Variants in NEK11 observed in about 807,000 individuals in gnomAD.
The protein encoded by NEK11 is serine/threonine-protein kinase Nek11.
A neutral mutation model predicts 80.7 loss-of-function variants in NEK11; 72 were observed. The ratio of observed to expected loss-of-function variants is 0.89; its 90% CI spans 0.74 to 1.08. The LOEUF is 1.08. NEK11 is among the 50% of genes least tolerant of loss of function. NEK11 has a pLI of 0.00. For missense variants in NEK11, 764 were observed against 763.6 expected, an observed-to-expected ratio of 1.00 and a Z score of -0.01; for synonymous variants, 251 against 260.7, an observed-to-expected ratio of 0.96 and a Z score of 0.36.
chr3:131,301,099 T>A (rs940543492), intron 17 of NEK11, among the ~76,000 whole-genome samples: 7 of 152,298 alleles, frequency 4.6e-5, no homozygotes, highest in Admixed American at 3.9e-4. Flanking sequence ...TTTCACTCCC[T>A]GGTTAACTAT....
intron 4 of NEK11, among the ~76,000 whole-genome samples, chr3:131,089,913 T>A (rs2076494197): frequency 6.6e-6 from 1 of 152,336 alleles, no homozygotes; most frequent in Non-Finnish European, 1.5e-5. Context: ...CATTTTAAGT[T>A]GTCAGTCCAG....
At chr3:131,235,990 C>A (rs527756153) in intron 15 of NEK11, among the ~76,000 whole-genome samples, 1 of 152,234 alleles carries the variant, frequency 6.6e-6, no homozygotes, top group East Asian at 1.9e-4. Flanking sequence ...ATGTTTAAAT[C>A]ACAGGGCTAC....
chr3:131,146,123 T>A (rs944333994), intron 7 of NEK11, among the ~76,000 whole-genome samples: 8 of 152,116 alleles, frequency 5.3e-5, no homozygotes, highest in Admixed American at 2.6e-4. Context: ...GTTGTCTAGC[T>A]TGTTCTGTTT....
chr3:131,196,227 A>G (rs1163975236), intron 14 of NEK11, among the ~76,000 whole-genome samples: 1 of 152,164 alleles, frequency 6.6e-6, no homozygotes, highest in Non-Finnish European at 1.5e-5. Flanking sequence ...CATTGCCTAA[A>G]TATGAGTTTA....
intron 5 of NEK11, among the ~76,000 whole-genome samples, chr3:131,121,739 T>G (rs2082413615): frequency 6.6e-6 from 1 of 152,188 alleles, no homozygotes; most frequent in African/African-American, 2.4e-5. Flanking sequence ...CTCAGACTGC[T>G]GTGCTAGCAG....
intron 3 of NEK11, among the ~76,000 whole-genome samples, chr3:131,044,330 G>T (rs1368180038): frequency 6.7e-6 from 1 of 149,724 alleles, no homozygotes; most frequent in Non-Finnish European, 1.5e-5. Flanking sequence ...AGACCCATTG[G>T]TGTGCTGTAT....
intron 14 of NEK11, among the ~76,000 whole-genome samples, chr3:131,178,658 G>T (rs1163849345): frequency 6.6e-6 from 1 of 152,022 alleles, no homozygotes; most frequent in Non-Finnish European, 1.5e-5. Flanking sequence ...ATCTCCTGAA[G>T]GTTTTACAGT....
chr3:131,268,077 G>C (rs2096098556), intron 16 of NEK11, among the ~76,000 whole-genome samples: 1 of 152,100 alleles, frequency 6.6e-6, no homozygotes, highest in Admixed American at 6.5e-5. Context: ...TGATACTTGT[G>C]TATGTTTCAC....
chr3:131,051,973 T>C (rs1157886750), intron 3 of NEK11, among the ~76,000 whole-genome samples: 1 of 152,190 alleles, frequency 6.6e-6, no homozygotes, highest in East Asian at 1.9e-4. Flanking sequence ...CTCCCCTTTT[T>C]TGAGTTCTCA....
At chr3:131,038,224 G>A (rs1353797936) in intron 3 of NEK11, among the ~76,000 whole-genome samples, 2 of 152,126 alleles carry the variant, frequency 1.3e-5, no homozygotes, top group Non-Finnish European at 2.9e-5. Flanking sequence ...TATAGAAAGA[G>A]TACATTTGAA....
intron 3 of NEK11, among the ~76,000 whole-genome samples, chr3:131,049,301 A>G (rs947871547): frequency 6.6e-6 from 1 of 152,230 alleles, no homozygotes; most frequent in Admixed American, 6.5e-5. Context: ...TTTCAGATAC[A>G]TAATTTCTGT....
At chr3:131,184,562 A>G (rs2093517062) in intron 14 of NEK11, 1 of 297,210 alleles carries the variant, frequency 3.4e-6, no homozygotes, top group Admixed American at 5.3e-5. Flanking sequence ...TAAGAACACG[A>G]ATGCTTTTTA....
chr3:131,246,554 T>C (rs145024197), intron 16 of NEK11, among the ~76,000 whole-genome samples: 1,828 of 152,332 alleles, frequency 0.012, 40 homozygotes, highest in African/African-American at 0.042. Flanking sequence ...TTTTTGCAAT[T>C]GCAAATTGTG....
Position 131,240,162 on chromosome 3 carries a change from C to T in NEK11, c.1561-3274C>T, listed in dbSNP as rs577519379. 4.6e-5 allele frequency among the ~76,000 whole-genome samples: 7 copies of T among 152,192 alleles called. No individual in the cohort carries two copies. The South Asian group carries it at 1.5e-3, about 32-fold the overall frequency. The stretch of plus-strand genomic sequence containing the variant: ...AGTGGAGGAGGGAAGAATATGGCAT[C>T]TTATGTCTTTAAGCCTTGCCTTCCT... On this transcript the variant is annotated intron_variant, in intron 15 of 17. Transcript: ENST00000383366.
chr3:131,048,094 C>T (rs1560161420), intron 3 of NEK11, among the ~76,000 whole-genome samples: 3 of 152,110 alleles, frequency 2.0e-5, no homozygotes, highest in South Asian at 4.1e-4. Flanking sequence ...GCAGCTCCCA[C>T]GTATCCCAAA....
In NEK11 at chr3:131,029,796, G is replaced by A. The variant is rs144176995; in HGVS notation, c.88G>A (p.Val30Met). ...AAAGACCTTGATTGCAAGAAGATAC[G>A]TGCTTCAACAAAAACTTGGCAGTGG... ...YPKTLIARRY[V>M]LQQKLGSGSF... The change falls in exon 3 of 18, where the codon GTG becomes ATG. Residue 30 changes from valine to methionine, a missense_variant. Coordinates refer to ENST00000383366, the MANE Select transcript of NEK11 (RefSeq NM_024800.5). The A allele has an allele frequency of 2.6e-4, 414 of 1,614,170 alleles. No individual in the cohort carries two copies. In the African/African-American group the frequency reaches 4.5e-3, roughly 18 times the overall value.
At chr3:131,196,731 C>T (rs2094025343) in intron 14 of NEK11, among the ~76,000 whole-genome samples, 1 of 152,044 alleles carries the variant, frequency 6.6e-6, no homozygotes, top group Non-Finnish European at 1.5e-5. Flanking sequence ...TGGGGTTTCA[C>T]CATATTGGCC....
intron 3 of NEK11, among the ~76,000 whole-genome samples, chr3:131,071,010 G>A (rs1474578501): frequency 6.6e-6 from 1 of 152,148 alleles, no homozygotes; most frequent in African/African-American, 2.4e-5. Flanking sequence ...TGAATATGGG[G>A]GGAACACATT....
intron 5 of NEK11, among the ~76,000 whole-genome samples, chr3:131,119,999 G>A (rs1052800416): frequency 2.6e-5 from 4 of 152,188 alleles, no homozygotes; most frequent in African/African-American, 9.6e-5. Context: ...ATATTGTTAT[G>A]TGTGAATTTG....
Sources: allele counts gnomAD v4.1 joint callset (sites outside exome capture counted in the v4.1 genomes callset), GRCh38; gene constraint gnomAD v4.1.1; transcripts MANE v1.5; gene names NCBI Gene and HGNC (gene_info 2026-07-23, HGNC 2026-07-21).